The following CATSPERT variants were observed in gnomAD, a reference collection of about 807,000 sequenced individuals.
CATSPERT encodes cation channel sperm-associated targeting subunit tau.
At chr2:201,510,081 A>G in the CATSPERT span, among the ~76,000 whole-genome samples, 1 of 150,578 alleles carries the variant, frequency 6.6e-6, no homozygotes, top group Non-Finnish European at 1.5e-5. Context: ...TGATCAGGAC[A>G]CTCTCTCTCC....
At chr2:201,537,118 A>C in the CATSPERT span, among the ~76,000 whole-genome samples, 49 of 152,096 alleles carry the variant, frequency 3.2e-4, no homozygotes, top group Middle Eastern at 3.4e-3. Context: ...TTTTGGTGAG[A>C]AAGAGTAAAA....
At chr2:201,572,913 A>T in the CATSPERT span, among the ~76,000 whole-genome samples, 1 of 152,226 alleles carries the variant, frequency 6.6e-6, no homozygotes, top group Non-Finnish European at 1.5e-5. Context: ...AGACTTGTTA[A>T]ATAAGGCTGA....
the CATSPERT span, among the ~76,000 whole-genome samples, chr2:201,602,599 G>A: frequency 6.6e-6 from 1 of 152,134 alleles, no homozygotes; most frequent in African/African-American, 2.4e-5. Context: ...TATCATACAA[G>A]AAGATATATA....
the CATSPERT span, among the ~76,000 whole-genome samples, chr2:201,524,480 ATAT>A: frequency 1.3e-5 from 2 of 152,350 alleles, no homozygotes; most frequent in South Asian, 4.1e-4. Flanking sequence ...GAAGTGCTAA[ATAT>A]GGGGGAAAAA....
the CATSPERT span, chr2:201,603,181 T>G: frequency 1.3e-6 from 2 of 1,564,176 alleles, no homozygotes; most frequent in South Asian, 1.2e-5. Context: ...ACTGAAACAG[T>G]GAGATATAAT....
At chr2:201,562,806 A>G in the CATSPERT span, among the ~76,000 whole-genome samples, 37,763 of 105,544 alleles carry the variant, frequency 0.36, 6,928 homozygotes, top group East Asian at 0.69. Context: ...GACACAGCAC[A>G]TGTTTCAGAG....
At chr2:201,534,835 G>T in the CATSPERT span, 8 of 814,888 alleles carry the variant, frequency 9.8e-6, no homozygotes, top group African/African-American at 1.1e-4. Context: ...AAAACTTATG[G>T]AATATTAATA....
At chr2:201,564,281 G>C in the CATSPERT span, among the ~76,000 whole-genome samples, 1 of 152,098 alleles carries the variant, frequency 6.6e-6, no homozygotes, top group Admixed American at 6.6e-5. Context: ...AGCCCAGCTG[G>C]CTGCCAGATA....
the CATSPERT span, chr2:201,534,735 A>G: frequency 3.1e-6 from 3 of 979,256 alleles, no homozygotes; most frequent in Non-Finnish European, 3.6e-6. Context: ...CTGTAAATAC[A>G]TTAGGAGATA....
the CATSPERT span, among the ~76,000 whole-genome samples, chr2:201,560,468 T>TAAC: frequency 0.02 from 1,261 of 63,044 alleles, 11 homozygotes; most frequent in Admixed American, 0.03. Context: ...ATAATAATAA[T>TAAC]AACAACAACA....
At chr2:201,536,589 A>C in the CATSPERT span, among the ~76,000 whole-genome samples, 4 of 151,874 alleles carry the variant, frequency 2.6e-5, no homozygotes, top group African/African-American at 9.7e-5. Flanking sequence ...TCAAAATAAA[A>C]AATCTGAGGG....
chr2:201,522,145 G>A, the CATSPERT span, among the ~76,000 whole-genome samples: 1 of 152,130 alleles, frequency 6.6e-6, no homozygotes, highest in African/African-American at 2.4e-5. Flanking sequence ...ACATAGTACT[G>A]GAAGTTCTAG....
the CATSPERT span, among the ~76,000 whole-genome samples, chr2:201,601,313 TGTGG>T: frequency 0.035 from 5,007 of 141,918 alleles, 132 homozygotes; most frequent in African/African-American, 0.051. Flanking sequence ...TGTGTGTGTG[TGTGG>T]GTTGTAATAA....
At chr2:201,524,003 C>G in the CATSPERT span, among the ~76,000 whole-genome samples, 1 of 151,144 alleles carries the variant, frequency 6.6e-6, no homozygotes, top group Non-Finnish European at 1.5e-5. Flanking sequence ...GTAAAGAAAC[C>G]AGCCCTACAA....
At chr2:201,586,016 G>T in the CATSPERT span, among the ~76,000 whole-genome samples, 1 of 151,876 alleles carries the variant, frequency 6.6e-6, no homozygotes, top group East Asian at 1.9e-4. Flanking sequence ...TTCTTTCTCA[G>T]CCTGCTCAAT....
At chr2:201,545,504 A>G in the CATSPERT span, 2 of 1,256,304 alleles carry the variant, frequency 1.6e-6, no homozygotes, top group East Asian at 2.5e-5. Flanking sequence ...CTTTGATTTC[A>G]ATTATCTTAA....
the CATSPERT span, among the ~76,000 whole-genome samples, chr2:201,596,228 T>G: frequency 0.87 from 132,500 of 152,220 alleles, 58,858 homozygotes; most frequent in South Asian, 0.98. Context: ...ATATACACCA[T>G]GGAATACTAT....
chr2:201,526,810 A>T, the CATSPERT span, among the ~76,000 whole-genome samples: 1 of 152,238 alleles, frequency 6.6e-6, no homozygotes, highest in African/African-American at 2.4e-5. Context: ...CCAACATCAT[A>T]CTGAATGGGG....
the CATSPERT span, among the ~76,000 whole-genome samples, chr2:201,616,492 T>G: frequency 4.6e-5 from 7 of 152,190 alleles, no homozygotes; most frequent in Admixed American, 2.6e-4. Flanking sequence ...AAAAGGCCTT[T>G]GACAAAATTC....
Sources: gnomAD v4.1 joint callset for allele counts (sites outside exome capture counted in the v4.1 genomes callset) on GRCh38, gnomAD v4.1.1 for gene constraint, MANE v1.5 for transcripts, NCBI Gene and HGNC (gene_info 2026-07-23, HGNC 2026-07-21) for gene names.